The following NEDD4L variants were observed in gnomAD, a reference collection of about 807,000 sequenced individuals.
NEDD4L encodes NEDD4 like E3 ubiquitin protein ligase, also known as E3 ubiquitin-protein ligase NEDD4-like.
In NEDD4L, 54 loss-of-function variants were observed where a neutral mutation model predicts 148.9. The ratio of observed to expected loss-of-function variants is 0.36; its 90% CI spans 0.29 to 0.45. The LOEUF (loss-of-function observed/expected upper bound fraction) is 0.45, where lower values mean the gene tolerates loss of function less well. Ranked by LOEUF, NEDD4L falls within the 20% of genes least tolerant of loss-of-function variation. The pLI is 1.00. For missense variants in NEDD4L, 856 were observed against 1,233.8 expected (o/e 0.69, Z 4.59); for synonymous variants, 433 against 440.7 (o/e 0.98, Z 0.22).
At chr18:58,167,813 T>C (rs955102006) in intron 2 of NEDD4L, among the ~76,000 whole-genome samples, 1 of 152,210 alleles carries the variant, frequency 6.6e-6, no homozygotes. Flanking sequence ...TCTCACTCTT[T>C]CCAATGAAAT....
At chr18:58,328,429 T>C (rs2059503202) in intron 9 of NEDD4L, among the ~76,000 whole-genome samples, 1 of 152,202 alleles carries the variant, frequency 6.6e-6, no homozygotes, top group South Asian at 2.1e-4. Context: ...AGGAGGTAAA[T>C]GCAGTGTCAC....
intron 1 of NEDD4L, among the ~76,000 whole-genome samples, chr18:58,122,328 C>T (rs191379427): frequency 6.6e-5 from 10 of 152,166 alleles, no homozygotes; most frequent in Non-Finnish European, 1.5e-4. Flanking sequence ...GGTGAAACCC[C>T]GTCTCTACTA....
chr18:58,260,219 T>A (rs934930738), intron 5 of NEDD4L, among the ~76,000 whole-genome samples: 2 of 152,184 alleles, frequency 1.3e-5, no homozygotes, highest in African/African-American at 4.8e-5. Flanking sequence ...GAAAAACAAG[T>A]AGCATTCTTT....
chr18:58,084,653 C>A (rs111754461), intron 1 of NEDD4L, among the ~76,000 whole-genome samples: 1 of 144,546 alleles, frequency 6.9e-6, no homozygotes, highest in African/African-American at 2.6e-5. Context: ...CACCTTCTCA[C>A]TATATCTTGT....
chr18:58,109,272 G>A (rs2085267024), intron 1 of NEDD4L, among the ~76,000 whole-genome samples: 1 of 152,190 alleles, frequency 6.6e-6, no homozygotes, highest in Non-Finnish European at 1.5e-5. Context: ...GTATTGAAGA[G>A]GGCTACTTTT....
chr18:58,118,277 G>A (rs963810446), intron 1 of NEDD4L, among the ~76,000 whole-genome samples: 5 of 152,258 alleles, frequency 3.3e-5, no homozygotes, highest in Admixed American at 6.5e-5. Flanking sequence ...CGCTGCTTGC[G>A]CAGTAAGCAC....
At chr18:58,250,770 ATC>A (rs1456227847) in intron 4 of NEDD4L, among the ~76,000 whole-genome samples, 1 of 152,154 alleles carries the variant, frequency 6.6e-6, no homozygotes, top group African/African-American at 2.4e-5. Flanking sequence ...TGGGATCCTT[ATC>A]TCTCACATAG....
chr18:58,064,371 C>CAAATCTAATTCTCAAATGAAT (rs1435512191), intron 1 of NEDD4L, among the ~76,000 whole-genome samples: 2 of 152,114 alleles, frequency 1.3e-5, no homozygotes, highest in Non-Finnish European at 2.9e-5. Flanking sequence ...AAATTTGTTA[C>CAAATCTAATTCTCAAATGAAT]AAATCTAATT....
intron 5 of NEDD4L, among the ~76,000 whole-genome samples, chr18:58,311,052 GA>G (rs2057638893): frequency 2.6e-5 from 4 of 152,088 alleles, no homozygotes; most frequent in Non-Finnish European, 4.4e-5. Context: ...TGATTTTGAG[GA>G]TGGAACCCCA....
Position 58,264,484 on chromosome 18 carries a change from C to T in NEDD4L, c.297+12430C>T, listed in dbSNP as rs62094544. 2.6e-5 allele frequency among the ~76,000 whole-genome samples: 4 copies of T among 151,720 alleles called. No homozygotes were observed. The East Asian group carries it at 7.7e-4, about 29-fold the overall frequency. On this transcript the variant is annotated intron_variant, in intron 5 of 30. Transcript: ENST00000400345. The stretch of plus-strand genomic sequence containing the variant: ...TAAAGATGAGGAAAGTGAGAACTTT[C>T]CTTTTTAAAAATTGATACATAATAG...
intron 1 of NEDD4L, among the ~76,000 whole-genome samples, chr18:58,058,960 T>C (rs1046923061): frequency 6.6e-6 from 1 of 152,200 alleles, no homozygotes; most frequent in Non-Finnish European, 1.5e-5. Flanking sequence ...CCTTGACCGT[T>C]TACTCCATTC....
chr18:58,386,903 G>A (rs968387238), intron 26 of NEDD4L, among the ~76,000 whole-genome samples: 3 of 152,164 alleles, frequency 2.0e-5, no homozygotes, highest in Non-Finnish European at 4.4e-5. Context: ...CACCGCAGGC[G>A]GTCCACACCT....
At chr18:58,196,637 T>C (rs1393267219) in intron 2 of NEDD4L, among the ~76,000 whole-genome samples, 4 of 151,860 alleles carry the variant, frequency 2.6e-5, no homozygotes, top group Non-Finnish European at 5.9e-5. Flanking sequence ...ATGTAGAAAT[T>C]AATCTGTCTT....
rs117809444 is a variant in NEDD4L, at chr18:58,328,125, C to T, written c.681-870C>T. Among the ~76,000 whole-genome samples the T allele has an allele frequency of 9.6e-4, 146 of 152,104 alleles. 1 individual carries two copies. Among genetic ancestry groups the T allele is most frequent in the Admixed American group, 1.8e-3 (27 of 15,278 alleles). ...GACTACAGGCACGCATCACCACACT[C>T]GGCTAATTTTTGTGTTTTTAGTAGA... is the stretch of plus-strand genomic sequence containing the variant. On this transcript the variant is annotated intron_variant, in intron 9 of 30. Coordinates refer to ENST00000400345, the MANE Select transcript of NEDD4L (RefSeq NM_001144967.3).
chr18:58,140,332 G>C (rs2033356873), intron 1 of NEDD4L, among the ~76,000 whole-genome samples: 1 of 152,236 alleles, frequency 6.6e-6, no homozygotes, highest in Non-Finnish European at 1.5e-5. Context: ...GAAGCCCTCT[G>C]TTTGTCCCAC....
intron 2 of NEDD4L, among the ~76,000 whole-genome samples, chr18:58,174,975 A>G (rs1326652504): frequency 2.6e-5 from 4 of 152,212 alleles, no homozygotes; most frequent in Non-Finnish European, 4.4e-5. Context: ...AGCTTCTGAA[A>G]GAGGCTGAAC....
At chr18:58,363,866 A>G (rs963865309) in intron 19 of NEDD4L, among the ~76,000 whole-genome samples, 1 of 152,230 alleles carries the variant, frequency 6.6e-6, no homozygotes, top group Non-Finnish European at 1.5e-5. Flanking sequence ...AGACTTTTCA[A>G]AATGCCAACG....
chr18:58,309,732 G>C (rs1459601169), intron 5 of NEDD4L, among the ~76,000 whole-genome samples: 2 of 151,818 alleles, frequency 1.3e-5, no homozygotes, highest in African/African-American at 4.8e-5. Context: ...GTGGCCCTTA[G>C]TTGACCCCGC....
intron 1 of NEDD4L, among the ~76,000 whole-genome samples, chr18:58,062,107 G>A (rs1300633126): frequency 6.6e-6 from 1 of 152,222 alleles, no homozygotes; most frequent in Non-Finnish European, 1.5e-5. Context: ...TTTGGATGAT[G>A]TTCCAAAGAA....
Sources: allele counts gnomAD v4.1 joint callset (sites outside exome capture counted in the v4.1 genomes callset), GRCh38; gene constraint gnomAD v4.1.1; transcripts MANE v1.5; gene names NCBI Gene and HGNC (gene_info 2026-07-23, HGNC 2026-07-21).